Variants in PIK3R5 observed in about 807,000 individuals in gnomAD.
The protein encoded by PIK3R5 is phosphoinositide-3-kinase regulatory subunit 5.
A neutral mutation model predicts 94.9 loss-of-function variants in PIK3R5; 32 were observed. The ratio of observed to expected loss-of-function variants is 0.34; its 90% CI spans 0.25 to 0.45. The LOEUF (loss-of-function observed/expected upper bound fraction) is 0.45. PIK3R5 is among the 20% of genes least tolerant of loss of function. The probability of loss-of-function intolerance (pLI) is 1.00; values close to 1 mark genes in which losing one functional copy is unlikely to be tolerated. For synonymous variants in PIK3R5, 443 were observed against 479.4 expected (o/e 0.92, Z 0.99); for missense variants, 853 against 1,144.6 (o/e 0.75, Z 3.68).
intron 5 of PIK3R5, among the ~76,000 whole-genome samples, chr17:8,895,890 C>T (rs1292806124): frequency 5.3e-5 from 8 of 152,144 alleles, no homozygotes; most frequent in African/African-American, 1.7e-4. Flanking sequence ...AGTTCCCAAG[C>T]AGAACCTATG....
chr17:8,902,552 TGATATATTAATTTTTA>T (rs1224794235), intron 5 of PIK3R5, among the ~76,000 whole-genome samples: 1 of 152,102 alleles, frequency 6.6e-6, no homozygotes, highest in Admixed American at 6.6e-5. Flanking sequence ...GCACTTGGCC[TGATATATTAATTTTTA>T]TTGCAAATAT....
At chr17:8,897,794 G>A (rs2090185118) in intron 5 of PIK3R5, among the ~76,000 whole-genome samples, 1 of 152,138 alleles carries the variant, frequency 6.6e-6, no homozygotes, top group Admixed American at 6.5e-5. Flanking sequence ...AGCCATCCTA[G>A]ACCAAGAAGC....
At chr17:8,954,058 C>CAA (rs148047698) in intron 1 of PIK3R5, among the ~76,000 whole-genome samples, 8,012 of 144,812 alleles carry the variant, frequency 0.055, 299 homozygotes, top group Non-Finnish European at 0.081. Flanking sequence ...CTTTCCTCTG[C>CAA]AAAAAAAAAG....
In PIK3R5 at chr17:8,909,007, G is replaced by A; in HGVS notation, c.204+67C>T. On this transcript the variant is annotated intron_variant, in intron 3 of 18. Coordinates refer to ENST00000447110, the MANE Select transcript of PIK3R5 (RefSeq NM_001142633.3). This position sits in a 1 kb window ranked among gnomAD's most constrained non-coding sequence, Gnocchi z 4.3. The stretch of plus-strand genomic sequence containing the variant: ...CAGGCACCCAGGAATGATGTTCTCT[G>A]GGACCTATTTCTCCACTCTACGAGG... 2 of 964,318 alleles carry A rather than the reference G, an allele frequency of 2.1e-6. No homozygotes were observed. The highest frequency in any genetic ancestry group is 5.3e-5 in the East Asian group (2 of 38,054). The allele number at this position is 964,318 out of a possible 1,614,324, so 59.7% of individuals were successfully genotyped here. A position where few individuals can be genotyped will look rare whatever the true frequency, so the allele number is the denominator to read the frequency against.
intron 5 of PIK3R5, among the ~76,000 whole-genome samples, chr17:8,902,476 T>A (rs986980420): frequency 6.6e-6 from 1 of 151,974 alleles, no homozygotes; most frequent in Admixed American, 6.6e-5. Context: ...ATGGTCTCGA[T>A]CTCCAGACCT....
In PIK3R5 at chr17:8,881,547, GCA is replaced by G. The variant is rs1567629953; in HGVS notation, c.2382+81_2382+82del. On this transcript the variant is annotated intron_variant, in intron 17 of 18. Coordinates refer to ENST00000447110, the MANE Select transcript of PIK3R5 (RefSeq NM_001142633.3). This position sits in a 1 kb window ranked among gnomAD's most constrained non-coding sequence, Gnocchi z 4.8. ...TGCACACATGCACACACATACATGT[GCA>G]CACACACGTACACACATACGCACAT... 4 of 1,052,218 alleles carry G rather than the reference GCA, an allele frequency of 3.8e-6. No individual in the cohort carries two copies. Among genetic ancestry groups the G allele is most frequent in the South Asian group, 1.3e-5 (1 of 74,420 alleles). The allele number at this position is 1,052,218 out of a possible 1,614,324, so 65.2% of individuals were successfully genotyped here. A position where few individuals can be genotyped will look rare whatever the true frequency, so the allele number is the denominator to read the frequency against.
In PIK3R5 at chr17:8,882,400, C is replaced by T. The variant is rs1357675439; in HGVS notation, c.2206-519G>A. On this transcript the variant is annotated intron_variant, in intron 15 of 18. Transcript: ENST00000447110. This position sits in a 1 kb window ranked among gnomAD's most constrained non-coding sequence, Gnocchi z 4.1. ...GGCACCTTCCTGGTTTTTCTAGCGC[C>T]TCTCTGGCTGGTGCCTCTCTGCTTT... The T allele has an allele frequency of 1.2e-5, 2 of 164,120 alleles. No homozygotes were observed. Among genetic ancestry groups the T allele is most frequent in the Non-Finnish European group, 2.7e-5 (2 of 73,982 alleles). The allele number at this position is 164,120 out of a possible 1,614,324, so 10.2% of individuals were successfully genotyped here. A position where few individuals can be genotyped will look rare whatever the true frequency, so the allele number is the denominator to read the frequency against.
At position 8,958,878 on chromosome 17, in the gene PIK3R5, C is replaced by G. The variant is rs2091510169; in HGVS notation, c.-14+6718G>C. On this transcript the variant is annotated intron_variant, in intron 1 of 18. Transcript: ENST00000447110. ...GTTCAATCGATTCTCTTGCCTCAGC[C>G]TCCCAAGTAGCTGGGATTACAGGCA... Among the ~76,000 whole-genome samples, 4 of 152,140 alleles carry G rather than the reference C, an allele frequency of 2.6e-5. No individual in the cohort carries two copies. In the South Asian group the frequency reaches 8.3e-4, roughly 32 times the overall value.
At chr17:8,894,019 G>C (rs1157604921) in intron 5 of PIK3R5, 1 of 183,584 alleles carries the variant, frequency 5.4e-6, no homozygotes, top group Non-Finnish European at 1.2e-5. Context: ...TGGAGAGAAA[G>C]AGATCCAGGG....
At chr17:8,918,302 C>A (rs765011500) in intron 1 of PIK3R5, among the ~76,000 whole-genome samples, 3 of 152,094 alleles carry the variant, frequency 2.0e-5, no homozygotes, top group Non-Finnish European at 4.4e-5. Context: ...CAAAATAAAC[C>A]CAGCACATCT....
intron 1 of PIK3R5, among the ~76,000 whole-genome samples, chr17:8,962,425 C>A (rs1050162708): frequency 2.6e-5 from 4 of 152,158 alleles, no homozygotes; most frequent in Admixed American, 2.0e-4. Context: ...TAAATGCAAG[C>A]AACATACTTT....
intron 1 of PIK3R5, among the ~76,000 whole-genome samples, chr17:8,936,053 CAAAA>C (rs746258155): frequency 3.1e-5 from 2 of 63,946 alleles, no homozygotes; most frequent in African/African-American, 5.0e-5. Context: ...GACTCCATCT[CAAAA>C]AAAAAAAAAA....
intron 1 of PIK3R5, among the ~76,000 whole-genome samples, chr17:8,941,921 C>T (rs2091188364): frequency 6.6e-6 from 1 of 152,236 alleles, no homozygotes; most frequent in African/African-American, 2.4e-5. Context: ...TCAGAAGACC[C>T]TTCGGGAGGA....
intron 5 of PIK3R5, among the ~76,000 whole-genome samples, chr17:8,898,027 G>C (rs999951970): frequency 1.3e-5 from 2 of 152,130 alleles, no homozygotes; most frequent in Non-Finnish European, 2.9e-5. Flanking sequence ...TTCTGCTATA[G>C]GCAGCCAGCT....
At position 8,888,834 on chromosome 17, in the gene PIK3R5, C is replaced by T. The variant is rs774307028; in HGVS notation, c.953G>A (p.Gly318Glu). Residue 318 changes from glycine to glutamate, a missense_variant, in exon 10 of 19, where the codon GGA (glycine) becomes GAA (glutamate). This residue lies in a region of PIK3R5 where 161 missense variants were observed against 249.5 expected (regional missense o/e 0.65). Coordinates refer to ENST00000447110, the MANE Select transcript of PIK3R5 (RefSeq NM_001142633.3). The surrounding 1 kb of genome is among the most constrained non-coding windows in gnomAD (Gnocchi z 7.8). The stretch of plus-strand genomic sequence containing the variant: ...CTCCTCTTCCTCCTCTTCATCATCT[C>T]CCAGGATCCCTGGCTGGAGTAGCTC... ...EQELLQPGIL[G>E]DDEEEEEEEE... is the part of the protein sequence containing the mutation. The T allele has an allele frequency of 1.9e-6, 3 of 1,608,690 alleles. No individual in the cohort carries two copies. Among genetic ancestry groups the T allele is most frequent in the Non-Finnish European group, 1.7e-6 (2 of 1,179,950 alleles).
chr17:8,901,827 A>G (rs771048323), intron 5 of PIK3R5, among the ~76,000 whole-genome samples: 1 of 152,184 alleles, frequency 6.6e-6, no homozygotes, highest in Non-Finnish European at 1.5e-5. Context: ...GCCGCAGTAT[A>G]CTCAACCATG....
At chr17:8,921,257 T>C (rs554158928) in intron 1 of PIK3R5, among the ~76,000 whole-genome samples, 1 of 152,370 alleles carries the variant, frequency 6.6e-6, no homozygotes, top group Non-Finnish European at 1.5e-5. Flanking sequence ...TTTCATTTAT[T>C]TTATTACTCA....
intron 14 of PIK3R5, 54 bp downstream of exon 14, chr17:8,886,175 G>A (rs1385008331): frequency 4.3e-6 from 6 of 1,390,728 alleles, no homozygotes; most frequent in East Asian, 2.3e-5. Context: ...AGAGCTCCAC[G>A]TTTCGCGTCC....
chr17:8,887,777 G>A (rs1001247957), intron 10 of PIK3R5, 94 bp from the exon 11 acceptor site: 20 of 1,177,614 alleles, frequency 1.7e-5, no homozygotes, highest in African/African-American at 1.2e-4. Flanking sequence ...TGGATCACCC[G>A]AGGCCAGGAG....
Sources: allele counts gnomAD v4.1 joint callset (sites outside exome capture counted in the v4.1 genomes callset), GRCh38; gene constraint gnomAD v4.1.1; regional missense constraint gnomAD v4.1.1; non-coding constraint Gnocchi (gnomAD v3.1); transcripts MANE v1.5; gene names NCBI Gene and HGNC (gene_info 2026-07-23, HGNC 2026-07-21).